The following MACROD2 variants were observed in gnomAD, a reference collection of about 807,000 sequenced individuals.
MACROD2 encodes ADP-ribose glycohydrolase MACROD2.
MACROD2 carries 36 observed loss-of-function variants against 70.4 expected under a neutral mutation model. The observed-to-expected ratio is 0.51, with a 90% CI of 0.39 to 0.68. The LOEUF (loss-of-function observed/expected upper bound fraction) is 0.68. MACROD2 is among the 30% of genes least tolerant of loss of function. MACROD2 has a pLI of 0.00. For missense variants in MACROD2, 496 were observed against 538.4 expected, an observed-to-expected ratio of 0.92 and a Z score of 0.78; for synonymous variants, 172 against 178.8, an observed-to-expected ratio of 0.96 and a Z score of 0.30.
intron 3 of MACROD2, among the ~76,000 whole-genome samples, chr20:14,113,278 A>G (rs922699776): frequency 1.3e-5 from 2 of 152,016 alleles, no homozygotes; most frequent in Non-Finnish European, 2.9e-5. Flanking sequence ...AATTTATGGC[A>G]TGAAATTTCC....
intron 5 of MACROD2, among the ~76,000 whole-genome samples, chr20:15,226,304 A>T (rs925458617): frequency 6.6e-6 from 1 of 152,192 alleles, no homozygotes; most frequent in Non-Finnish European, 1.5e-5. Flanking sequence ...ACTTTCTGTC[A>T]TTCCTGCCTG....
At chr20:15,223,025 A>C (rs1403236353) in intron 5 of MACROD2, among the ~76,000 whole-genome samples, 1 of 152,304 alleles carries the variant, frequency 6.6e-6, no homozygotes, top group Non-Finnish European at 1.5e-5. Flanking sequence ...TATAATTCAG[A>C]CTAATTTCCC....
chr20:15,173,762 C>T (rs146646786), intron 5 of MACROD2, among the ~76,000 whole-genome samples: 61 of 152,168 alleles, frequency 4.0e-4, no homozygotes, highest in African/African-American at 7.9e-4. Context: ...GGTGATATCA[C>T]GGTTGCATAT....
At chr20:15,316,473 A>C (rs1303434765) in intron 6 of MACROD2, among the ~76,000 whole-genome samples, 2 of 152,134 alleles carry the variant, frequency 1.3e-5, no homozygotes, top group Non-Finnish European at 2.9e-5. Flanking sequence ...ATATTAATAA[A>C]AGAGTCTATT....
At chr20:14,663,677 C>T (rs1341087541) in intron 4 of MACROD2, among the ~76,000 whole-genome samples, 1 of 151,770 alleles carries the variant, frequency 6.6e-6, no homozygotes, top group Non-Finnish European at 1.5e-5. Flanking sequence ...GTTCTTTATA[C>T]TGGCTTTGCA....
chr20:14,148,937 A>T (rs1429081769), intron 3 of MACROD2, among the ~76,000 whole-genome samples: 1 of 152,022 alleles, frequency 6.6e-6, no homozygotes, highest in Non-Finnish European at 1.5e-5. Context: ...GGTAAGAAGT[A>T]TGAGGTTCCT....
At chr20:15,872,239 C>A (rs1257670262) in intron 9 of MACROD2, among the ~76,000 whole-genome samples, 9 of 152,152 alleles carry the variant, frequency 5.9e-5, no homozygotes, top group Admixed American at 5.9e-4. Flanking sequence ...TTCTTATCTC[C>A]TCTCTGGTCA....
intron 3 of MACROD2, among the ~76,000 whole-genome samples, chr20:14,111,352 A>G (rs1014060673): frequency 3.3e-5 from 5 of 152,034 alleles, no homozygotes; most frequent in African/African-American, 1.2e-4. Context: ...CAAAGCAAAC[A>G]TGGACAAATG....
intron 13 of MACROD2, among the ~76,000 whole-genome samples, chr20:15,983,042 G>T (rs2066424709): frequency 6.6e-6 from 1 of 152,210 alleles, no homozygotes; most frequent in Admixed American, 6.5e-5. Flanking sequence ...GTCAGGTCAG[G>T]TAGCCTCAGG....
intron 3 of MACROD2, among the ~76,000 whole-genome samples, chr20:14,227,400 C>T (rs1156504627): frequency 6.6e-6 from 1 of 152,136 alleles, no homozygotes; most frequent in South Asian, 2.1e-4. Flanking sequence ...TGAGATGTAA[C>T]ACTCACCACA....
chr20:15,210,552 GT>G (rs11333280), intron 5 of MACROD2, among the ~76,000 whole-genome samples: 36,835 of 121,516 alleles, frequency 0.3, 5,104 homozygotes, highest in East Asian at 0.54. Flanking sequence ...CTTTTCTTCT[GT>G]TTTTTTTTTT....
At chr20:15,738,382 G>C (rs1301721572) in intron 8 of MACROD2, among the ~76,000 whole-genome samples, 1 of 152,138 alleles carries the variant, frequency 6.6e-6, no homozygotes, top group Non-Finnish European at 1.5e-5. Context: ...ACTAGAAAGA[G>C]TCAATTGAGG....
intron 4 of MACROD2, chr20:14,566,629 T>C (rs1253726559): frequency 6.6e-6 from 1 of 151,972 alleles, no homozygotes; most frequent in Non-Finnish European, 1.5e-5. Context: ...GGTCAGGCAA[T>C]AATTTTCAGC....
At chr20:14,153,409 TG>T (rs1158645117) in intron 3 of MACROD2, among the ~76,000 whole-genome samples, 1 of 152,210 alleles carries the variant, frequency 6.6e-6, no homozygotes, top group African/African-American at 2.4e-5. Context: ...GAAGTCCATC[TG>T]GGAACACTGA....
chr20:14,843,844 C>A (rs1184634908), intron 5 of MACROD2, among the ~76,000 whole-genome samples: 2 of 152,026 alleles, frequency 1.3e-5, no homozygotes, highest in African/African-American at 4.8e-5. Context: ...AAGTTCTTTT[C>A]TTTTCAGTAG....
At chr20:14,490,967 A>G (rs933349395) in intron 3 of MACROD2, among the ~76,000 whole-genome samples, 4 of 152,162 alleles carry the variant, frequency 2.6e-5, no homozygotes, top group South Asian at 2.1e-4. Flanking sequence ...AGGCCAAACC[A>G]TTGAACTCAG....
At chr20:15,911,136 C>A (rs2065230743) in intron 10 of MACROD2, among the ~76,000 whole-genome samples, 1 of 152,190 alleles carries the variant, frequency 6.6e-6, no homozygotes, top group Non-Finnish European at 1.5e-5. Flanking sequence ...ATCACTGTGG[C>A]CATGGACATG....
chr20:14,137,186 C>T (rs1447238105), intron 3 of MACROD2, among the ~76,000 whole-genome samples: 4 of 152,184 alleles, frequency 2.6e-5, no homozygotes, highest in Admixed American at 1.3e-4. Context: ...TACTAGCTTA[C>T]TGTTGACCTC....
At chr20:14,830,302 A>G (rs1217772265) in intron 5 of MACROD2, among the ~76,000 whole-genome samples, 1 of 152,096 alleles carries the variant, frequency 6.6e-6, no homozygotes, top group African/African-American at 2.4e-5. Flanking sequence ...TACTGCTGCA[A>G]TGGTTTTTAG....
Sources: gnomAD v4.1 joint callset for allele counts (sites outside exome capture counted in the v4.1 genomes callset) on GRCh38, gnomAD v4.1.1 for gene constraint, MANE v1.5 for transcripts, NCBI Gene and HGNC (gene_info 2026-07-23, HGNC 2026-07-21) for gene names.